The following CHD9 variants were observed in gnomAD, a reference collection of about 807,000 sequenced individuals.
CHD9 encodes the protein ATP-dependent chromatin remodeler CHD9.
In CHD9, 77 loss-of-function variants were observed where a neutral mutation model predicts 316.1. The ratio of observed to expected loss-of-function variants is 0.24; its 90% CI spans 0.20 to 0.29. The LOEUF (loss-of-function observed/expected upper bound fraction) is 0.29. Among genes scored for constraint, CHD9 ranks in the 10% least tolerant of loss-of-function variants. CHD9 has a pLI of 1.00. For synonymous variants in CHD9, 1,129 were observed against 1,158.3 expected, an observed-to-expected ratio of 0.97 and a Z score of 0.51; for missense variants, 2,763 against 3,438.1, an observed-to-expected ratio of 0.80 and a Z score of 4.91.
intron 1 of CHD9, among the ~76,000 whole-genome samples, chr16:53,140,861 T>G (rs562547203): frequency 6.6e-6 from 1 of 152,192 alleles, no homozygotes; most frequent in Admixed American, 6.5e-5. Context: ...AAGTGGAGAT[T>G]ATGTTTTTAA....
At chr16:53,098,429 T>C (rs2036557244) in intron 1 of CHD9, among the ~76,000 whole-genome samples, 1 of 144,948 alleles carries the variant, frequency 6.9e-6, no homozygotes, top group African/African-American at 2.6e-5. Flanking sequence ...TGAGCTGATA[T>C]GGCTCTGCCC....
At chr16:53,261,658 G>T (rs747813119) in intron 19 of CHD9, among the ~76,000 whole-genome samples, 11 of 152,170 alleles carry the variant, frequency 7.2e-5, no homozygotes, top group South Asian at 6.2e-4. Context: ...ATTTACAGAC[G>T]TGAGCCACCA....
chr16:53,171,735 C>T (rs1345463301), intron 2 of CHD9, among the ~76,000 whole-genome samples: 2 of 151,760 alleles, frequency 1.3e-5, no homozygotes, highest in Non-Finnish European at 2.9e-5. Flanking sequence ...ACCTGTAGTC[C>T]CAGCTGCTCA....
At chr16:53,170,588 TGTG>T (rs1335045659) in intron 2 of CHD9, among the ~76,000 whole-genome samples, 3 of 150,688 alleles carry the variant, frequency 2.0e-5, no homozygotes, top group African/African-American at 7.3e-5. Flanking sequence ...CGTGTGTGTG[TGTG>T]TGTGTGTGTG....
In CHD9 at chr16:53,202,868, A is replaced by G. The variant is rs574988887; in HGVS notation, c.1453-6614A>G. ...AAACCTTTTAATTTGTGAGCATGGT[A>G]GTTCACAGATGTGAAGAAAGTGAAG... On this transcript the variant is annotated intron_variant, in intron 2 of 38. Transcript: ENST00000447540. 1.3e-4 allele frequency among the ~76,000 whole-genome samples: 20 copies of G among 152,350 alleles called. No homozygotes were observed. In the South Asian group the frequency reaches 3.3e-3, roughly 25 times the overall value.
chr16:53,148,920 G>A (rs74416819), intron 1 of CHD9, among the ~76,000 whole-genome samples: 4,708 of 152,260 alleles, frequency 0.031, 95 homozygotes, highest in Non-Finnish European at 0.051. Flanking sequence ...TGCCCTCAGA[G>A]CATTGCTTTG....
rs2056766993 is a variant in CHD9 at position 53,314,956 on chromosome 16, CAGG to C, written c.7499_7501del (p.Gly2500del). The C allele has an allele frequency of 1.2e-6, 2 of 1,613,582 alleles. No individual in the cohort carries two copies. Among genetic ancestry groups the C allele is most frequent in the Non-Finnish European group, 1.7e-6 (2 of 1,179,778 alleles). ...AATCTTAAAGATGGAACGAGACTTG[CAGG>C]AGATGATGCACCAAAGAGAAAGGAT... On this transcript the variant is annotated inframe_deletion, in exon 36 of 39. Transcript: ENST00000447540.
At position 53,307,939 on chromosome 16, in the gene CHD9, G is replaced by A; in HGVS notation, c.7039G>A (p.Val2347Met). ...GCATGTACGAGAAAAGGAGTTTACA[G>A]TGAAAATCAAAGACGTATGTGTATT... ...KKHVREKEFT[V>M]KIKDEGGLKL... is the part of the protein sequence containing the mutation. The change falls in exon 33 of 39, where the codon GTG becomes ATG. Residue 2347 changes from valine to methionine, a missense_variant. Physicochemically the swap from Val to Met is conservative, Grantham distance 21 (BLOSUM62 1). Transcript: ENST00000447540. The A allele has an allele frequency of 6.2e-7, 1 of 1,605,572 alleles. No individual in the cohort carries two copies. The highest frequency in any genetic ancestry group is 8.5e-7 in the Non-Finnish European group (1 of 1,176,002).
chr16:53,069,098 A>G (rs2033779893), intron 1 of CHD9, among the ~76,000 whole-genome samples: 1 of 152,158 alleles, frequency 6.6e-6, no homozygotes, highest in East Asian at 1.9e-4. Context: ...TCTGCCTCCC[A>G]GGTTCAGCAA....
intron 1 of CHD9, among the ~76,000 whole-genome samples, chr16:53,142,172 G>A (rs867944097): frequency 2.6e-5 from 4 of 152,104 alleles, no homozygotes; most frequent in Admixed American, 2.0e-4. Flanking sequence ...TTGGTAAGTC[G>A]ACAAGGAATC....
chr16:53,100,474 A>G (rs990762082), intron 1 of CHD9, among the ~76,000 whole-genome samples: 15 of 83,786 alleles, frequency 1.8e-4, no homozygotes, highest in African/African-American at 4.3e-4. Flanking sequence ...TTTTTTTCCA[A>G]AAGACAGGGT....
intron 1 of CHD9, among the ~76,000 whole-genome samples, chr16:53,063,681 G>A (rs568687659): frequency 3.6e-4 from 54 of 151,960 alleles, no homozygotes; most frequent in African/African-American, 1.2e-3. Context: ...ACAGGCGCCC[G>A]CCACCACGCC....
intron 24 of CHD9, among the ~76,000 whole-genome samples, chr16:53,282,224 G>A (rs556741042): frequency 6.6e-6 from 1 of 152,006 alleles, no homozygotes; most frequent in Non-Finnish European, 1.5e-5. Flanking sequence ...ACACATGCGT[G>A]CACACAACAA....
chr16:53,169,434 T>C (rs7195323), intron 2 of CHD9: 42,306 of 152,056 alleles, frequency 0.28, 5,983 homozygotes, highest in Middle Eastern at 0.32. Context: ...CCAAGTCAGC[T>C]TAAACAATAT....
At chr16:53,237,357 T>C (rs2048718819) in intron 11 of CHD9, among the ~76,000 whole-genome samples, 1 of 152,154 alleles carries the variant, frequency 6.6e-6, no homozygotes, top group Admixed American at 6.6e-5. Context: ...TCCCAACTTC[T>C]AGTCACCTCA....
chr16:53,303,220 G>T (rs567284745), intron 30 of CHD9, among the ~76,000 whole-genome samples: 1 of 145,582 alleles, frequency 6.9e-6, no homozygotes, highest in African/African-American at 2.6e-5. Context: ...AAGCTCATCA[G>T]CTATCGTTAG....
intron 1 of CHD9, among the ~76,000 whole-genome samples, chr16:53,087,911 G>T (rs529955040): frequency 6.6e-5 from 10 of 151,208 alleles, no homozygotes; most frequent in African/African-American, 2.4e-4. Flanking sequence ...TCATGCCATT[G>T]CACTCCAGCC....
At position 53,272,039 on chromosome 16, in the gene CHD9, A is replaced by G. The variant is rs148469855; in HGVS notation, c.4718-1587A>G. Among the ~76,000 whole-genome samples the G allele has an allele frequency of 8.5e-5, 13 of 152,294 alleles. No homozygotes were observed. The East Asian group carries it at 1.2e-3, about 14-fold the overall frequency. On this transcript the variant is annotated intron_variant, in intron 22 of 38. Transcript: ENST00000447540. ...ATAAACATATGTATGCAGCCTATGT[A>G]TATTTTCACCTGTTAAAAGAGGAAA... is the stretch of plus-strand genomic sequence containing the variant.
At chr16:53,248,315 G>A (rs1406970614) in intron 16 of CHD9, among the ~76,000 whole-genome samples, 2 of 146,372 alleles carry the variant, frequency 1.4e-5, no homozygotes, top group East Asian at 2.0e-4. Flanking sequence ...CAGCCTGGGC[G>A]ACAGAGCGAA....
Sources: allele counts gnomAD v4.1 joint callset (sites outside exome capture counted in the v4.1 genomes callset), GRCh38; gene constraint gnomAD v4.1.1; transcripts MANE v1.5; gene names NCBI Gene and HGNC (gene_info 2026-07-23, HGNC 2026-07-21).